The following SLC25A12 variants were observed in gnomAD, a reference collection of about 807,000 sequenced individuals.
SLC25A12 encodes the protein electrogenic aspartate/glutamate antiporter SLC25A12, mitochondrial.
In SLC25A12, 32 loss-of-function variants were observed where a neutral mutation model predicts 83.3. That is an observed-to-expected ratio of 0.38 (90% CI 0.29 to 0.52). The LOEUF is 0.52. Among genes scored for constraint, SLC25A12 ranks in the 20% least tolerant of loss-of-function variants. SLC25A12 has a pLI of 0.84. For synonymous variants in SLC25A12, 267 were observed against 291.1 expected, an observed-to-expected ratio of 0.92 and a Z score of 0.84; for missense variants, 611 against 835.6, an observed-to-expected ratio of 0.73 and a Z score of 3.31.
chr2:171,810,867 T>G (rs1200877976), intron 11 of SLC25A12, among the ~76,000 whole-genome samples: 1 of 152,218 alleles, frequency 6.6e-6, no homozygotes, highest in African/African-American at 2.4e-5. Context: ...TTAACGAGTA[T>G]CTCCTATAAG....
At chr2:171,861,055 G>C (rs1020953438) in intron 3 of SLC25A12, among the ~76,000 whole-genome samples, 2 of 151,872 alleles carry the variant, frequency 1.3e-5, no homozygotes, top group African/African-American at 4.8e-5. Context: ...TCACACCACT[G>C]CATTCCAGCC....
At chr2:171,859,811 G>C (rs1685117670) in intron 3 of SLC25A12, among the ~76,000 whole-genome samples, 1 of 152,046 alleles carries the variant, frequency 6.6e-6, no homozygotes, top group South Asian at 2.1e-4. Flanking sequence ...GCCCCAGCTG[G>C]AGTGCAATGG....
At chr2:171,871,614 C>T (rs1233212485) in intron 2 of SLC25A12, 5 of 572,484 alleles carry the variant, frequency 8.7e-6, no homozygotes, top group African/African-American at 2.0e-5. Context: ...GCCACCGTGC[C>T]GGGCCCTCAC....
chr2:171,830,536 T>C (rs1173867086), intron 8 of SLC25A12, among the ~76,000 whole-genome samples: 2 of 152,100 alleles, frequency 1.3e-5, no homozygotes, highest in Non-Finnish European at 2.9e-5. Context: ...TTTCTTGAAA[T>C]GGAATCTCAT....
chr2:171,882,828 A>T (rs1685724554), intron 2 of SLC25A12, among the ~76,000 whole-genome samples: 1 of 152,204 alleles, frequency 6.6e-6, no homozygotes, highest in Admixed American at 6.5e-5. Context: ...TACGCACAAA[A>T]AAAAAATATG....
In SLC25A12 at chr2:171,784,116, A is replaced by G. The variant is rs1159104675; in HGVS notation, c.*1158T>C. On this transcript the variant is annotated 3_prime_UTR_variant, in exon 18 of 18. Coordinates refer to ENST00000422440, the MANE Select transcript of SLC25A12 (RefSeq NM_003705.5). ...CAAATTAGTAATCACGCCCTTGATG[A>G]GTGACTTTTAGAACAGTTTGCATTT... Among the ~76,000 whole-genome samples the G allele has an allele frequency of 6.6e-6, 1 of 152,186 alleles. No individual in the cohort carries two copies. The highest frequency in any genetic ancestry group is 1.5e-5 in the Non-Finnish European group (1 of 68,042).
Position 171,865,489 on chromosome 2 carries a change from T to A in SLC25A12, c.209+3192A>T, listed in dbSNP as rs374359067. Among the ~76,000 whole-genome samples, 169 of 151,984 alleles carry A rather than the reference T, an allele frequency of 1.1e-3. 3 individuals carry two copies. The East Asian group carries it at 0.027, about 24-fold the overall frequency. On this transcript the variant is annotated intron_variant, in intron 3 of 17. Transcript: ENST00000422440. ...CAGCCTGGCCAACATGGTGAAACCCTGTCTCTCCTAAAAATACAAAAATCA... is the reference window on the plus strand; with the variant it reads ...CAGCCTGGCCAACATGGTGAAACCCAGTCTCTCCTAAAAATACAAAAATCA...
intron 8 of SLC25A12, among the ~76,000 whole-genome samples, chr2:171,831,075 C>T (rs566447911): frequency 2.7e-4 from 41 of 152,380 alleles, no homozygotes; most frequent in African/African-American, 7.2e-4. Flanking sequence ...TCTATGTGAA[C>T]GTGAATTTTT....
chr2:171,824,690 ACATT>A (rs1055497877), intron 9 of SLC25A12, among the ~76,000 whole-genome samples: 30 of 142,844 alleles, frequency 2.1e-4, no homozygotes, highest in East Asian at 5.8e-4. Flanking sequence ...AAAATTTTTC[ACATT>A]CTTTCCTTTT....
At chr2:171,872,790 T>C (rs1213472902) in intron 2 of SLC25A12, among the ~76,000 whole-genome samples, 2 of 151,698 alleles carry the variant, frequency 1.3e-5, no homozygotes, top group Non-Finnish European at 2.9e-5. Context: ...TATTTCAAGC[T>C]AAAAACAAAA....
At chr2:171,815,668 C>T (rs1684037338) in intron 9 of SLC25A12, among the ~76,000 whole-genome samples, 1 of 152,050 alleles carries the variant, frequency 6.6e-6, no homozygotes, top group Non-Finnish European at 1.5e-5. Flanking sequence ...TCATAATCTA[C>T]CATCTCTAAT....
At chr2:171,837,094 A>T in intron 6 of SLC25A12, 27 bp downstream of exon 6, 1 of 1,612,542 alleles carries the variant, frequency 6.2e-7, no homozygotes, top group East Asian at 2.2e-5. Context: ...AGGAAATAGA[A>T]AGTTAAAGAA....
At chr2:171,819,112 T>C (rs1574695763) in intron 9 of SLC25A12, among the ~76,000 whole-genome samples, 1 of 139,792 alleles carries the variant, frequency 7.2e-6, no homozygotes, top group African/African-American at 2.6e-5. Flanking sequence ...ACATAAAATA[T>C]ATATATAATA....
Position 171,793,754 on chromosome 2 carries a change from T to A in SLC25A12, c.1319A>T (p.Gln440Leu). The part of the protein sequence containing the change: ...VLAGGCAGGS[Q>L]VIFTNPLEIV... ...CTCCAATGGGTTGGTAAAAATGACC[T>A]GAGAGCCTCCAGCCTGTAGGCAAGG... Residue 440 changes from glutamine (Q) to leucine (L), a missense_variant, in exon 14 of 18, where the codon CAG becomes CTG. Physicochemically the swap from Gln to Leu is moderately radical, Grantham distance 113. Transcript: ENST00000422440. The A allele has an allele frequency of 6.2e-7, 1 of 1,614,152 alleles. No homozygotes were observed. The highest frequency in any genetic ancestry group is 8.5e-7 in the Non-Finnish European group (1 of 1,180,010).
At chr2:171,839,677 T>C (rs1435652432) in intron 5 of SLC25A12, among the ~76,000 whole-genome samples, 1 of 152,170 alleles carries the variant, frequency 6.6e-6, no homozygotes, top group African/African-American at 2.4e-5. Context: ...ATGGCAACTA[T>C]ATTTTTAAGA....
intron 3 of SLC25A12, among the ~76,000 whole-genome samples, chr2:171,857,813 C>T (rs936428917): frequency 1.3e-5 from 2 of 151,534 alleles, no homozygotes; most frequent in African/African-American, 2.4e-5. Context: ...ATCACTTGAG[C>T]CCAGGAGTTC....
intron 13 of SLC25A12, among the ~76,000 whole-genome samples, chr2:171,807,484 A>G (rs1175902032): frequency 3.3e-5 from 5 of 152,250 alleles, no homozygotes; most frequent in Non-Finnish European, 7.3e-5. Flanking sequence ...GGTCAGCTTC[A>G]TGACCAAAAA....
At chr2:171,825,743 A>G (rs1482312419) in intron 9 of SLC25A12, among the ~76,000 whole-genome samples, 1 of 152,198 alleles carries the variant, frequency 6.6e-6, no homozygotes, top group Non-Finnish European at 1.5e-5. Context: ...ACCCTTACCC[A>G]CACACAAAAG....
intron 3 of SLC25A12, among the ~76,000 whole-genome samples, chr2:171,862,938 C>T (rs550286991): frequency 1.3e-5 from 2 of 150,428 alleles, no homozygotes; most frequent in African/African-American, 5.0e-5. Flanking sequence ...CACATTTTGC[C>T]CCTCAGGCTG....
Sources: gnomAD v4.1 joint callset for allele counts (sites outside exome capture counted in the v4.1 genomes callset) on GRCh38, gnomAD v4.1.1 for gene constraint, MANE v1.5 for transcripts, NCBI Gene and HGNC (gene_info 2026-07-23, HGNC 2026-07-21) for gene names.